ADGRL3: variants seen among roughly 807,000 people sequenced by gnomAD.
The protein encoded by ADGRL3 is calcium-independent alpha-latrotoxin receptor 3.
In ADGRL3, 62 loss-of-function variants were observed where a neutral mutation model predicts 153.5. The observed-to-expected ratio is 0.40, with a 90% CI of 0.33 to 0.50. The LOEUF (loss-of-function observed/expected upper bound fraction) is 0.50. Ranked by LOEUF, ADGRL3 falls within the 20% of genes least tolerant of loss-of-function variation. The pLI is 0.47. For missense variants in ADGRL3, 1,641 were observed against 1,859.4 expected (o/e 0.88, Z 2.16); for synonymous variants, 710 against 672.5 (o/e 1.06, Z -0.86).
Position 61,272,231 on chromosome 4 carries a change from A to G in ADGRL3, c.-240+70466A>G, listed in dbSNP as rs375764164. 8.7e-4 allele frequency among the ~76,000 whole-genome samples: 133 copies of G among 152,156 alleles called. 1 individual carries two copies. The highest frequency in any genetic ancestry group is 3.1e-3 in the African/African-American group (128 of 41,558). On this transcript the variant is annotated intron_variant, in intron 1 of 26. Transcript: ENST00000683033. ...TACAGAGTTTACAAAAAATGGTTTC[A>G]TGATACTAATTTTTAAAGTTTTATG...
intron 4 of ADGRL3, among the ~76,000 whole-genome samples, chr4:61,564,026 A>G (rs1369537181): frequency 6.6e-6 from 1 of 152,076 alleles, no homozygotes; most frequent in Non-Finnish European, 1.5e-5. Flanking sequence ...ATAAATAAAT[A>G]AAAATACAAC....
intron 9 of ADGRL3, among the ~76,000 whole-genome samples, chr4:61,849,357 GGC>G (rs2098174077): frequency 6.6e-6 from 1 of 151,982 alleles, no homozygotes; most frequent in South Asian, 2.1e-4. Flanking sequence ...GTTTCCTTAG[GGC>G]ACAAAATCTA....
chr4:61,397,775 C>T (rs2096885408), intron 2 of ADGRL3, among the ~76,000 whole-genome samples: 2 of 151,838 alleles, frequency 1.3e-5, no homozygotes, highest in Non-Finnish European at 2.9e-5. Context: ...GTATGTTGAA[C>T]CTCTTATCAC....
intron 13 of ADGRL3, among the ~76,000 whole-genome samples, chr4:61,919,394 C>T (rs1271703642): frequency 1.3e-5 from 2 of 152,146 alleles, no homozygotes; most frequent in Non-Finnish European, 2.9e-5. Context: ...TAAATCTGCA[C>T]TTGATTTATG....
rs1244244181 is a variant in ADGRL3 at position 61,694,176 on chromosome 4, ATTATTTTTTTTTTTTTTTTTTTT to A, written c.583+17244_583+17266del. Among the ~76,000 whole-genome samples, 156 of 94,694 alleles carry A rather than the reference ATTATTTTTTTTTTTTTTTTTTTT, an allele frequency of 1.6e-3. 21 individuals are homozygous for A. Among genetic ancestry groups the A allele is most frequent in the Middle Eastern group, 6.4e-3 (1 of 156 alleles). The allele number at this position is 94,694 out of a possible 152,430, so 62.1% of individuals were successfully genotyped here. On this transcript the variant is annotated intron_variant, in intron 6 of 26. Coordinates refer to ENST00000683033, the MANE Select transcript of ADGRL3 (RefSeq NM_001387552.1). ...TCCTATACTATTTTAAAATTTTGTC[ATTATTTTTTTTTTTTTTTTTTTT>A]TTTTTTTTTTTTTTTTTTTTAGAGG...
chr4:61,339,984 C>G (rs2095771131), intron 1 of ADGRL3, among the ~76,000 whole-genome samples: 1 of 152,092 alleles, frequency 6.6e-6, no homozygotes, highest in Non-Finnish European at 1.5e-5. Context: ...TATTGGGATC[C>G]CTGTTCAGGA....
At chr4:62,065,355 C>A (rs1742437076) in intron 25 of ADGRL3, among the ~76,000 whole-genome samples, 1 of 152,032 alleles carries the variant, frequency 6.6e-6, no homozygotes, top group Non-Finnish European at 1.5e-5. Flanking sequence ...GTCCCTATTT[C>A]ATTGTAGCAC....
In ADGRL3 at chr4:61,726,210, G is replaced by GTTTTTTTTTTTTTGTTTTTTTTT. The variant is rs149472429; in HGVS notation, c.584-4406_584-4405insTTTTTTTGTTTTTTTTTTTTTTT. Among the ~76,000 whole-genome samples the GTTTTTTTTTTTTTGTTTTTTTTT allele has an allele frequency of 1.2e-4, 14 of 118,526 alleles. 1 individual carries two copies. The highest frequency in any genetic ancestry group is 5.3e-3 in the Middle Eastern group (1 of 190). The allele number at this position is 118,526 out of a possible 152,430, so 77.8% of individuals were successfully genotyped here. On this transcript the variant is annotated intron_variant, in intron 6 of 26. Transcript: ENST00000683033. ...AATACTCACTGGAACTTTTTTTTTTGTTTTTTGAGAAGGAGTCTCACCCTG... is the reference window on the plus strand; with the variant it reads ...AATACTCACTGGAACTTTTTTTTTTGTTTTTTTTTTTTTGTTTTTTTTTTTTTTTGAGAAGGAGTCTCACCCTG...
intron 9 of ADGRL3, among the ~76,000 whole-genome samples, chr4:61,817,154 C>A (rs918389215): frequency 1.3e-5 from 2 of 149,136 alleles, no homozygotes; most frequent in African/African-American, 2.5e-5. Flanking sequence ...TGCAGACCCC[C>A]CCCCCCCCAC....
chr4:61,470,067 TA>T (rs1349416793), intron 2 of ADGRL3, among the ~76,000 whole-genome samples: 5 of 152,044 alleles, frequency 3.3e-5, no homozygotes, highest in African/African-American at 1.2e-4. Context: ...ATATCCCTTG[TA>T]ACTTTTTAAA....
At chr4:61,353,014 G>C (rs1357843569) in intron 1 of ADGRL3, among the ~76,000 whole-genome samples, 2 of 152,096 alleles carry the variant, frequency 1.3e-5, no homozygotes, top group Admixed American at 6.5e-5. Flanking sequence ...TTTGGCCCGA[G>C]GTTCGAAAAT....
At chr4:61,509,277 G>A (rs536523106) in intron 3 of ADGRL3, among the ~76,000 whole-genome samples, 7 of 151,984 alleles carry the variant, frequency 4.6e-5, no homozygotes, top group East Asian at 1.9e-4. Context: ...ATAGGCACCC[G>A]CCACCACTCC....
At chr4:61,650,692 T>G (rs2094214293) in intron 5 of ADGRL3, among the ~76,000 whole-genome samples, 1 of 152,070 alleles carries the variant, frequency 6.6e-6, no homozygotes, top group South Asian at 2.1e-4. Context: ...GTAAGCTAAA[T>G]GAGTAAATAG....
chr4:61,666,518 A>G (rs1488040190), intron 5 of ADGRL3, among the ~76,000 whole-genome samples: 3 of 147,358 alleles, frequency 2.0e-5, no homozygotes, highest in Admixed American at 7.0e-5. Flanking sequence ...CCATTGAAGT[A>G]TAATGAATTA....
chr4:61,709,502 G>A (rs1383997370), intron 6 of ADGRL3, among the ~76,000 whole-genome samples: 1 of 152,052 alleles, frequency 6.6e-6, no homozygotes, highest in African/African-American at 2.4e-5. Flanking sequence ...CTTTTTATAA[G>A]CATCACAATA....
intron 8 of ADGRL3, among the ~76,000 whole-genome samples, chr4:61,735,444 G>C (rs1210009909): frequency 2.6e-5 from 4 of 152,162 alleles, no homozygotes; most frequent in African/African-American, 9.6e-5. Context: ...TCTATTGTCT[G>C]ACTCACCGCT....
intron 6 of ADGRL3, among the ~76,000 whole-genome samples, chr4:61,725,711 G>T (rs2096322106): frequency 6.6e-6 from 1 of 151,844 alleles, no homozygotes; most frequent in Admixed American, 6.6e-5. Context: ...CCCTCAGGGA[G>T]ATTCTATTTA....
intron 2 of ADGRL3, among the ~76,000 whole-genome samples, chr4:61,466,105 A>G (rs1037589447): frequency 6.6e-6 from 1 of 152,094 alleles, no homozygotes; most frequent in Non-Finnish European, 1.5e-5. Flanking sequence ...TGGGCGACAG[A>G]GCAAGACTCC....
intron 6 of ADGRL3, among the ~76,000 whole-genome samples, chr4:61,712,800 T>C (rs1344185624): frequency 6.6e-6 from 1 of 152,240 alleles, no homozygotes; most frequent in Non-Finnish European, 1.5e-5. Flanking sequence ...TCTTATATAT[T>C]CATCACTGTG....
Sources: allele counts gnomAD v4.1 joint callset (sites outside exome capture counted in the v4.1 genomes callset), GRCh38; gene constraint gnomAD v4.1.1; transcripts MANE v1.5; gene names NCBI Gene and HGNC (gene_info 2026-07-23, HGNC 2026-07-21).